Variants in KAT6A observed in about 807,000 individuals in gnomAD.
KAT6A encodes histone acetyltransferase KAT6A.
Under a neutral mutation model 198.4 loss-of-function variants are expected in KAT6A, and 9 were observed. The ratio of observed to expected loss-of-function variants is 0.05; its 90% confidence interval spans 0.03 to 0.08. The LOEUF is 0.08. KAT6A is among the 10% of genes least tolerant of loss of function. KAT6A has a pLI of 1.00. For missense variants in KAT6A, 2,077 were observed against 2,509.9 expected (o/e 0.83, Z 3.69); for synonymous variants, 890 against 883.0 (o/e 1.01, Z -0.14).
intron 2 of KAT6A, among the ~76,000 whole-genome samples, chr8:42,007,733 C>A (rs1200995746): frequency 6.6e-6 from 1 of 151,932 alleles, no homozygotes; most frequent in Non-Finnish European, 1.5e-5. Context: ...GAGGCCAAAG[C>A]GGGTGGATCA....
intron 1 of KAT6A, among the ~76,000 whole-genome samples, chr8:42,050,167 C>A (rs972415700): frequency 6.6e-6 from 1 of 152,168 alleles, no homozygotes; most frequent in Admixed American, 6.5e-5. Flanking sequence ...ACACTGGCTA[C>A]TTGTAGGACT....
intron 3 of KAT6A, among the ~76,000 whole-genome samples, chr8:41,984,454 G>A (rs1824507782): frequency 6.6e-6 from 1 of 152,140 alleles, no homozygotes; most frequent in Non-Finnish European, 1.5e-5. Flanking sequence ...AGGTAAATGA[G>A]CCATCGTGGA....
At chr8:41,993,211 T>C (rs1186240094) in intron 2 of KAT6A, among the ~76,000 whole-genome samples, 1 of 152,210 alleles carries the variant, frequency 6.6e-6, no homozygotes, top group African/African-American at 2.4e-5. Context: ...GGCACAGTGA[T>C]TCAGACCAAC....
At chr8:41,946,487 T>A (rs1449471305) in intron 12 of KAT6A, 104 bp downstream of exon 12, 1 of 448,880 alleles carries the variant, frequency 2.2e-6, no homozygotes, top group Non-Finnish European at 3.7e-6. Flanking sequence ...TTTAAATATA[T>A]ATATATACAC....
chr8:42,029,647 G>A (rs1026570250), intron 2 of KAT6A, among the ~76,000 whole-genome samples: 9 of 150,352 alleles, frequency 6.0e-5, no homozygotes, highest in African/African-American at 2.2e-4. Flanking sequence ...TCAAGAGACA[G>A]GGGTCTCACC....
rs976531767 is a variant in KAT6A at position 42,048,323 on chromosome 8, T to C, written c.600+55A>G. The C allele has an allele frequency of 6.2e-5, 97 of 1,559,000 alleles. 2 individuals are homozygous for C. In the Middle Eastern group the frequency reaches 1.4e-3, roughly 22 times the overall value. On this transcript the variant is annotated intron_variant, in intron 2 of 16. Coordinates refer to ENST00000265713, the MANE Select transcript of KAT6A (RefSeq NM_006766.5). ...AATATAACTTCCCAGAAATGTGAAT[T>C]TGTAGCATCCTATATCATCAGCTCT...
chr8:41,938,954 GAAAAAAAAAAAA>G (rs894664976), intron 15 of KAT6A, among the ~76,000 whole-genome samples: 20 of 75,748 alleles, frequency 2.6e-4, no homozygotes, highest in African/African-American at 7.2e-4. Context: ...TCTGGGGAAG[GAAAAAAAAAAAA>G]AAAAAAAAAA....
intron 1 of KAT6A, among the ~76,000 whole-genome samples, chr8:42,050,536 ACT>A (rs1471457285): frequency 6.6e-6 from 1 of 152,190 alleles, no homozygotes; most frequent in African/African-American, 2.4e-5. Context: ...ATTACTATTA[ACT>A]CTGATAGGAA....
intron 1 of KAT6A, chr8:42,049,649 A>T (rs756376376): frequency 6.6e-6 from 1 of 152,338 alleles, no homozygotes; most frequent in Non-Finnish European, 1.5e-5. Flanking sequence ...CTTCCTTGAC[A>T]TCTTTCCCCA....
intron 8 of KAT6A, among the ~76,000 whole-genome samples, chr8:41,973,969 C>T (rs1462501374): frequency 6.6e-6 from 1 of 152,160 alleles, no homozygotes; most frequent in East Asian, 1.9e-4. Flanking sequence ...ATTCACAAAT[C>T]TCTCCTATAG....
intron 2 of KAT6A, among the ~76,000 whole-genome samples, chr8:42,000,502 G>T (rs568308184): frequency 3.3e-5 from 5 of 149,372 alleles, no homozygotes; most frequent in African/African-American, 1.2e-4. Flanking sequence ...AGTGAGCCGA[G>T]ATCACACCAT....
intron 2 of KAT6A, among the ~76,000 whole-genome samples, chr8:42,029,966 T>C (rs1827023490): frequency 1.3e-5 from 2 of 152,194 alleles, no homozygotes. Context: ...CTGGACTCTT[T>C]CTGGAGAATT....
intron 2 of KAT6A, among the ~76,000 whole-genome samples, chr8:42,030,492 G>A (rs747641339): frequency 3.9e-5 from 6 of 152,128 alleles, no homozygotes; most frequent in Non-Finnish European, 8.8e-5. Flanking sequence ...GAAGGTGAAT[G>A]TTGGGGTCCT....
At chr8:41,993,045 G>A (rs1024680527) in intron 2 of KAT6A, among the ~76,000 whole-genome samples, 1 of 152,134 alleles carries the variant, frequency 6.6e-6, no homozygotes, top group East Asian at 1.9e-4. Context: ...GAAACCGCTA[G>A]CAAAATTGTC....
chr8:42,045,450 T>C (rs1014383223), intron 2 of KAT6A, among the ~76,000 whole-genome samples: 2 of 149,944 alleles, frequency 1.3e-5, no homozygotes, highest in Non-Finnish European at 2.9e-5. Context: ...TAATCCCAGC[T>C]ACATGGGAGG....
intron 2 of KAT6A, among the ~76,000 whole-genome samples, chr8:42,006,139 G>A (rs1289514051): frequency 6.6e-6 from 1 of 152,188 alleles, no homozygotes; most frequent in Non-Finnish European, 1.5e-5. Context: ...GGACTAGGAG[G>A]AATAAAAACG....
chr8:42,009,180 G>A (rs1017094912), intron 2 of KAT6A, among the ~76,000 whole-genome samples: 1 of 152,092 alleles, frequency 6.6e-6, no homozygotes, highest in Non-Finnish European at 1.5e-5. Context: ...AAATCAGTTA[G>A]TTAACTACAA....
intron 9 of KAT6A, among the ~76,000 whole-genome samples, chr8:41,950,296 TTA>T (rs1217904819): frequency 6.6e-6 from 1 of 152,198 alleles, no homozygotes; most frequent in Non-Finnish European, 1.5e-5. Context: ...AAATGGCTTG[TTA>T]TAAACTTCAT....
intron 8 of KAT6A, among the ~76,000 whole-genome samples, chr8:41,960,294 G>C (rs1447093242): frequency 6.6e-6 from 1 of 151,778 alleles, no homozygotes; most frequent in Non-Finnish European, 1.5e-5. Flanking sequence ...AAATGGTCTG[G>C]TTAGGCCGGG....
Sources: allele counts gnomAD v4.1 joint callset (sites outside exome capture counted in the v4.1 genomes callset), GRCh38; gene constraint gnomAD v4.1.1; transcripts MANE v1.5; gene names NCBI Gene and HGNC (gene_info 2026-07-23, HGNC 2026-07-21).